Variants in VPS13C observed in about 807,000 individuals in gnomAD.
VPS13C encodes intermembrane lipid transfer protein VPS13C.
VPS13C carries 358 observed loss-of-function variants against 456.8 expected under a neutral mutation model. That is an observed-to-expected ratio of 0.78 (90% CI 0.72 to 0.86). The LOEUF (loss-of-function observed/expected upper bound fraction) is 0.86, where lower values mean the gene tolerates loss of function less well. VPS13C is among the 40% of genes least tolerant of loss of function. The probability of loss-of-function intolerance (pLI) is 0.00; values close to 1 mark genes in which losing one functional copy is unlikely to be tolerated. For missense variants in VPS13C, 4,818 were observed against 4,385.4 expected (o/e 1.10, Z -2.79); for synonymous variants, 1,578 against 1,486.7 (o/e 1.06, Z -1.41).
intron 79 of VPS13C, among the ~76,000 whole-genome samples, chr15:61,870,752 A>G (rs1404989366): frequency 6.6e-6 from 1 of 152,192 alleles, no homozygotes; most frequent in Non-Finnish European, 1.5e-5. Context: ...TCCCACTAGT[A>G]GTGTATGAGG....
intron 81 of VPS13C, chr15:61,865,271 A>T (rs1037565533): frequency 1.0e-6 from 1 of 981,958 alleles, no homozygotes; most frequent in Admixed American, 6.2e-5. Context: ...AAAAAAGCAA[A>T]ATCTATAATG....
chr15:61,856,155 AC>A, intron 83 of VPS13C, 130 bp downstream of exon 83: 1 of 1,098,262 alleles, frequency 9.1e-7, no homozygotes, highest in East Asian at 2.7e-5. Flanking sequence ...TAAATTGATT[AC>A]ATCTTTCTTC....
intron 22 of VPS13C, among the ~76,000 whole-genome samples, chr15:61,980,245 T>G (rs2045841147): frequency 7.7e-6 from 1 of 129,792 alleles, no homozygotes; most frequent in Admixed American, 7.7e-5. Context: ...GCTTTCCCAG[T>G]ACCATCTTAA....
At chr15:61,883,174 C>G (rs969072163) in intron 68 of VPS13C, among the ~76,000 whole-genome samples, 1 of 151,652 alleles carries the variant, frequency 6.6e-6, no homozygotes, top group Admixed American at 6.6e-5. Context: ...AGATGTGACA[C>G]CATGCCCAGC....
intron 16 of VPS13C, among the ~76,000 whole-genome samples, chr15:61,999,365 G>A (rs1000409724): frequency 1.3e-5 from 2 of 149,700 alleles, no homozygotes; most frequent in African/African-American, 4.9e-5. Flanking sequence ...GGACAACAGA[G>A]CAAGACTCCA....
chr15:61,931,342 C>A, intron 49 of VPS13C, 83 bp from the exon 50 acceptor site: 1 of 1,354,060 alleles, frequency 7.4e-7, no homozygotes, highest in Non-Finnish European at 9.8e-7. Flanking sequence ...TAATTCAAAA[C>A]TTAAAGGCAA....
At chr15:62,043,538 G>A (rs1014052100) in intron 2 of VPS13C, among the ~76,000 whole-genome samples, 3 of 152,084 alleles carry the variant, frequency 2.0e-5, no homozygotes, top group Admixed American at 6.5e-5. Context: ...CCTGGGAGGC[G>A]GAAGTTGCAG....
intron 8 of VPS13C, among the ~76,000 whole-genome samples, chr15:62,022,890 C>T (rs1199292608): frequency 2.6e-5 from 4 of 151,814 alleles, no homozygotes; most frequent in Non-Finnish European, 5.9e-5. Flanking sequence ...GCTGATGTTA[C>T]TCTTTTGGTT....
At chr15:61,981,081 G>C (rs548514781) in intron 22 of VPS13C, among the ~76,000 whole-genome samples, 1 of 152,138 alleles carries the variant, frequency 6.6e-6, no homozygotes, top group African/African-American at 2.4e-5. Context: ...AACTACGAAT[G>C]CTTCTTTCTA....
intron 6 of VPS13C, among the ~76,000 whole-genome samples, chr15:62,025,216 A>G (rs1490260081): frequency 6.6e-6 from 1 of 152,124 alleles, no homozygotes; most frequent in Non-Finnish European, 1.5e-5. Context: ...GGAGCTTGAA[A>G]TTTTTAATTG....
At chr15:62,046,580 C>A (rs1340441314) in intron 1 of VPS13C, among the ~76,000 whole-genome samples, 1 of 152,198 alleles carries the variant, frequency 6.6e-6, no homozygotes, top group Non-Finnish European at 1.5e-5. Context: ...TGCAGACTTT[C>A]AACCCTGCTC....
intron 27 of VPS13C, among the ~76,000 whole-genome samples, chr15:61,969,791 C>T (rs559374096): frequency 2.0e-5 from 3 of 152,018 alleles, no homozygotes; most frequent in African/African-American, 7.2e-5. Context: ...TTTAAAGTAT[C>T]CCCATTAAAG....
intron 49 of VPS13C, 35 bp downstream of exon 49, chr15:61,934,184 G>C (rs2044149872): frequency 7.0e-7 from 1 of 1,423,646 alleles, no homozygotes; most frequent in Non-Finnish European, 9.6e-7. Context: ...CAAGAGCTAA[G>C]GATTTATTTC....
chr15:61,946,557 T>C (rs1277342433), intron 43 of VPS13C, 147 bp from the exon 44 acceptor site: 1 of 446,536 alleles, frequency 2.2e-6, no homozygotes, highest in Non-Finnish European at 3.9e-6. Context: ...CTTTCATGTA[T>C]GAGATACCTA....
At chr15:61,874,274 G>A (rs1895250445) in intron 77 of VPS13C, among the ~76,000 whole-genome samples, 1 of 151,912 alleles carries the variant, frequency 6.6e-6, no homozygotes, top group South Asian at 2.1e-4. Flanking sequence ...AGCACTGTAG[G>A]GTGACTATAG....
intron 61 of VPS13C, 42 bp downstream of exon 61, chr15:61,915,591 G>C (rs761157464): frequency 6.6e-7 from 1 of 1,515,508 alleles, no homozygotes; most frequent in Non-Finnish European, 8.8e-7. Context: ...TTCTAGATTA[G>C]GAATTTATCT....
At position 62,013,069 on chromosome 15, in the gene VPS13C, C is replaced by T; in HGVS notation, c.795G>A (p.Met265Ile). The T allele has an allele frequency of 6.2e-7, 1 of 1,611,026 alleles. No homozygotes were observed. Among genetic ancestry groups the T allele is most frequent in the Non-Finnish European group, 8.5e-7 (1 of 1,178,342 alleles). Residue 265 changes from methionine to isoleucine, a missense_variant, in exon 11 of 85, where the codon ATG (methionine) becomes ATA (isoleucine). Transcript: ENST00000644861. Reference sequence around the variant, plus strand: ...TCTGTTCCCTTGATCTCTGGTAAGACATGCTGCAATTTACATTCCAGTAGG... The same window carrying T: ...TCTGTTCCCTTGATCTCTGGTAAGATATGCTGCAATTTACATTCCAGTAGG... ...LSAYWNVNCS[M>I]SYQRSREQIL...
chr15:61,991,199 GC>G, intron 17 of VPS13C, 105 bp from the exon 18 acceptor site: 1 of 850,500 alleles, frequency 1.2e-6, no homozygotes, highest in South Asian at 1.7e-5. Flanking sequence ...AGACACAAAT[GC>G]TAAAGCAAAA....
chr15:61,964,552 T>C, intron 31 of VPS13C, 147 bp downstream of exon 31: 2 of 742,880 alleles, frequency 2.7e-6, no homozygotes, highest in Non-Finnish European at 4.2e-6. Flanking sequence ...ATTTGCCTTA[T>C]ACATCAGGTG....
Sources: allele counts gnomAD v4.1 joint callset (sites outside exome capture counted in the v4.1 genomes callset), GRCh38; gene constraint gnomAD v4.1.1; transcripts MANE v1.5; gene names NCBI Gene and HGNC (gene_info 2026-07-23, HGNC 2026-07-21).